KCNQ5: variants seen among roughly 807,000 people sequenced by gnomAD.
The protein encoded by KCNQ5 is potassium voltage-gated channel subfamily KQT member 5.
Under a neutral mutation model 98.2 loss-of-function variants are expected in KCNQ5, and 30 were observed. The observed-to-expected ratio is 0.31, with a 90% CI of 0.23 to 0.41. KCNQ5 has a LOEUF of 0.41. KCNQ5 is among the 10% of genes least tolerant of loss of function. The probability of loss-of-function intolerance (pLI) is 1.00; values close to 1 mark genes in which losing one functional copy is unlikely to be tolerated. For synonymous variants in KCNQ5, 458 were observed against 449.4 expected, an observed-to-expected ratio of 1.02 and a Z score of -0.24; for missense variants, 835 against 1,182.5, an observed-to-expected ratio of 0.71 and a Z score of 4.31.
chr6:72,807,369 A>C (rs537607750), intron 1 of KCNQ5, among the ~76,000 whole-genome samples: 2 of 152,058 alleles, frequency 1.3e-5, no homozygotes, highest in Non-Finnish European at 2.9e-5. Flanking sequence ...TGCAATAATT[A>C]TCTTTACTTT....
chr6:72,880,038 T>G (rs747075475), intron 1 of KCNQ5, among the ~76,000 whole-genome samples: 8 of 152,208 alleles, frequency 5.3e-5, no homozygotes, highest in Non-Finnish European at 1.2e-4. Flanking sequence ...TGTCTAATCT[T>G]GGATCTTTAC....
intron 6 of KCNQ5, among the ~76,000 whole-genome samples, chr6:73,107,870 C>A (rs1775068372): frequency 6.6e-6 from 1 of 152,164 alleles, no homozygotes; most frequent in South Asian, 2.1e-4. Flanking sequence ...ACAATATTTT[C>A]TGAGTCCTTA....
intron 1 of KCNQ5, among the ~76,000 whole-genome samples, chr6:72,956,953 A>G (rs1767108510): frequency 6.6e-6 from 1 of 152,142 alleles, no homozygotes; most frequent in South Asian, 2.1e-4. Context: ...CTGAAAAGTA[A>G]GCATGGATGA....
intron 10 of KCNQ5, among the ~76,000 whole-genome samples, chr6:73,158,307 C>A (rs1777464182): frequency 6.9e-6 from 1 of 144,350 alleles, no homozygotes; most frequent in African/African-American, 2.5e-5. Context: ...CTCCCTCTGT[C>A]GCCAGGCTGG....
chr6:73,158,044 T>C (rs979235521), intron 10 of KCNQ5: 3 of 650,182 alleles, frequency 4.6e-6, no homozygotes, highest in African/African-American at 3.6e-5. Context: ...CCGCTGATAG[T>C]GTCCGGACCT....
Position 73,066,436 on chromosome 6 carries a change from T to C in KCNQ5, c.617-10886T>C, listed in dbSNP as rs191684472. 1.2e-3 allele frequency among the ~76,000 whole-genome samples: 180 copies of C among 152,322 alleles called. 1 individual carries two copies. The highest frequency in any genetic ancestry group is 3.9e-3 in the African/African-American group (162 of 41,582). On this transcript the variant is annotated intron_variant, in intron 3 of 13. Transcript: ENST00000370398. ...GCTCCATGAGGGCAGAAAACTCTTCTCTTTTATTCACTGCTCTATACCTCA... is the reference window on the plus strand; with the variant it reads ...GCTCCATGAGGGCAGAAAACTCTTCCCTTTTATTCACTGCTCTATACCTCA...
intron 1 of KCNQ5, among the ~76,000 whole-genome samples, chr6:72,897,108 G>A (rs1488192792): frequency 2.0e-5 from 3 of 152,130 alleles, no homozygotes; most frequent in Non-Finnish European, 4.4e-5. Flanking sequence ...ACGATGGGAA[G>A]AGCAGAGTAC....
chr6:72,958,574 T>C (rs1767194614), intron 1 of KCNQ5, among the ~76,000 whole-genome samples: 1 of 152,178 alleles, frequency 6.6e-6, no homozygotes, highest in African/African-American at 2.4e-5. Flanking sequence ...TATATTGATA[T>C]GGTTATGGGA....
At chr6:72,769,296 A>G (rs1215379442) in intron 1 of KCNQ5, among the ~76,000 whole-genome samples, 3 of 152,126 alleles carry the variant, frequency 2.0e-5, no homozygotes, top group Non-Finnish European at 4.4e-5. Flanking sequence ...TGCTTAATAA[A>G]AATACATACT....
At chr6:72,934,854 T>C (rs1765835862) in intron 1 of KCNQ5, among the ~76,000 whole-genome samples, 1 of 152,172 alleles carries the variant, frequency 6.6e-6, no homozygotes, top group Non-Finnish European at 1.5e-5. Context: ...ACAGTCACTT[T>C]AGTGTCCCCA....
At chr6:73,172,439 C>T (rs927439839) in intron 11 of KCNQ5, among the ~76,000 whole-genome samples, 10 of 152,084 alleles carry the variant, frequency 6.6e-5, no homozygotes, top group Non-Finnish European at 1.5e-4. Context: ...CACTCAATAG[C>T]TTAATAACCT....
At chr6:73,015,316 C>T (rs1770278226) in intron 2 of KCNQ5, among the ~76,000 whole-genome samples, 1 of 151,982 alleles carries the variant, frequency 6.6e-6, no homozygotes, top group Non-Finnish European at 1.5e-5. Flanking sequence ...AGACTAACGA[C>T]CCTCATCAAT....
At chr6:73,112,828 A>T (rs912685935) in intron 7 of KCNQ5, among the ~76,000 whole-genome samples, 1 of 152,004 alleles carries the variant, frequency 6.6e-6, no homozygotes, top group Non-Finnish European at 1.5e-5. Flanking sequence ...AGATCTGTTT[A>T]TATCTAATCA....
intron 1 of KCNQ5, among the ~76,000 whole-genome samples, chr6:72,670,861 T>G (rs1767068358): frequency 6.6e-6 from 1 of 152,130 alleles, no homozygotes; most frequent in Non-Finnish European, 1.5e-5. Flanking sequence ...AACAAGGACA[T>G]AAGAGTGGGG....
chr6:73,173,790 G>GA (rs909439971), intron 11 of KCNQ5, among the ~76,000 whole-genome samples: 51 of 145,726 alleles, frequency 3.5e-4, no homozygotes, highest in South Asian at 8.9e-4. Flanking sequence ...TCTCTAAAGG[G>GA]AAAAAAAAAA....
intron 1 of KCNQ5, among the ~76,000 whole-genome samples, chr6:72,847,594 G>A (rs768917994): frequency 6.6e-6 from 1 of 152,092 alleles, no homozygotes; most frequent in East Asian, 1.9e-4. Flanking sequence ...TCAAAACCCC[G>A]TTAGATCTCC....
At chr6:72,943,456 T>G (rs1766400262) in intron 1 of KCNQ5, among the ~76,000 whole-genome samples, 1 of 152,222 alleles carries the variant, frequency 6.6e-6, no homozygotes, top group Admixed American at 6.5e-5. Flanking sequence ...GCAACTGGGT[T>G]AATAATAGCA....
rs199982654 is a variant in KCNQ5, at chr6:73,150,830, A to ATGTGTGTG, written c.1468+17190_1468+17191insGTGTGTGT. ...TGTAGTGTGGGAAGTGTATATATAT[A>ATGTGTGTG]TATGTGTGTGTGTGTGTGTGTATAT... On this transcript the variant is annotated intron_variant, in intron 10 of 13. Coordinates refer to ENST00000370398, the MANE Select transcript of KCNQ5 (RefSeq NM_019842.4). Among the ~76,000 whole-genome samples the ATGTGTGTG allele has an allele frequency of 6.1e-3, 441 of 72,782 alleles. 5 individuals are homozygous for ATGTGTGTG. The highest frequency in any genetic ancestry group is 0.012 in the African/African-American group (415 of 34,116). 47.7% of individuals were successfully genotyped at this position (72,782 alleles called of 152,430 possible). A position where few individuals can be genotyped will look rare whatever the true frequency, so the allele number is the denominator to read the frequency against.
chr6:73,071,018 A>G (rs1182564767), intron 3 of KCNQ5, among the ~76,000 whole-genome samples: 1 of 152,154 alleles, frequency 6.6e-6, no homozygotes, highest in African/African-American at 2.4e-5. Context: ...AGATAACTTA[A>G]CTTCTGTGAC....
Sources: gnomAD v4.1 joint callset for allele counts (sites outside exome capture counted in the v4.1 genomes callset) on GRCh38, gnomAD v4.1.1 for gene constraint, MANE v1.5 for transcripts, NCBI Gene and HGNC (gene_info 2026-07-23, HGNC 2026-07-21) for gene names.